Variants in ADAMTS9 observed in about 807,000 individuals in gnomAD.
ADAMTS9 encodes the protein A disintegrin and metalloproteinase with thrombospondin motifs 9.
ADAMTS9 carries 107 observed loss-of-function variants against 257.1 expected under a neutral mutation model. The ratio of observed to expected loss-of-function variants is 0.42; its 90% CI spans 0.36 to 0.49. The LOEUF (loss-of-function observed/expected upper bound fraction) is 0.49. Among genes scored for constraint, ADAMTS9 ranks in the 20% least tolerant of loss-of-function variants. The probability of loss-of-function intolerance (pLI) is 0.03; values close to 1 mark genes in which losing one functional copy is unlikely to be tolerated. For missense variants in ADAMTS9, 2,353 were observed against 2,469.1 expected (o/e 0.95, Z 1.00); for synonymous variants, 982 against 880.9 (o/e 1.11, Z -2.03).
chr3:64,613,614 C>G (rs1030196112), intron 21 of ADAMTS9, 105 bp from the exon 22 acceptor site: 2 of 1,099,156 alleles, frequency 1.8e-6, no homozygotes, highest in Non-Finnish European at 1.3e-6. Flanking sequence ...TTTCCCACAG[C>G]AATCACTCTC....
At chr3:64,650,891 T>A in intron 9 of ADAMTS9, 126 bp downstream of exon 9, 24 of 814,634 alleles carry the variant, frequency 2.9e-5, no homozygotes, top group Non-Finnish European at 4.1e-5. Context: ...TTTTGCCTTC[T>A]CCAAGGAATG....
rs772698657 is a variant in ADAMTS9 at position 64,568,771 on chromosome 3, G to T, written c.4357-236C>A. On this transcript the variant is annotated intron_variant, in intron 28 of 39. Transcript: ENST00000498707. Reference sequence around the variant, plus strand: ...TGTGTGGCATTTTTGGCTCACTCAAGAGTGTGGGTAAATCCTGAGAATTGG... The same window carrying T: ...TGTGTGGCATTTTTGGCTCACTCAATAGTGTGGGTAAATCCTGAGAATTGG... 13 of 446,726 alleles carry T rather than the reference G, an allele frequency of 2.9e-5. 1 individual carries two copies. Among genetic ancestry groups the T allele is most frequent in the Middle Eastern group, 1.2e-3 (2 of 1,672 alleles). 27.7% of individuals were successfully genotyped at this position (446,726 alleles called of 1,614,324 possible). A position where few individuals can be genotyped will look rare whatever the true frequency, so the allele number is the denominator to read the frequency against.
At chr3:64,592,176 T>G (rs1481155260) in intron 28 of ADAMTS9, among the ~76,000 whole-genome samples, 1 of 152,318 alleles carries the variant, frequency 6.6e-6, no homozygotes, top group South Asian at 2.1e-4. Flanking sequence ...TTTTTTAAGA[T>G]CACAATTAAA....
In ADAMTS9 at chr3:64,602,124, G is replaced by GTCACAC; in HGVS notation, c.3831_3836dup (p.Glu1277_Cys1278dup). ...GGTCAGTTTCTGGGATATAATCCTG[G>GTCACAC]TCACACTCACTCCGATCGATCACGT... On this transcript the variant is annotated inframe_insertion, in exon 26 of 40. Coordinates refer to ENST00000498707, the MANE Select transcript of ADAMTS9 (RefSeq NM_182920.2). 1 of 1,614,090 alleles carries GTCACAC rather than the reference G, an allele frequency of 6.2e-7. No homozygotes were observed. Among genetic ancestry groups the GTCACAC allele is most frequent in the Non-Finnish European group, 8.5e-7 (1 of 1,179,998 alleles).
chr3:64,631,901 T>C lies in ADAMTS9; in HGVS notation c.2200A>G (p.Asn734Asp). 1 of 1,613,900 alleles carries C rather than the reference T, an allele frequency of 6.2e-7. No homozygotes were observed. The highest frequency in any genetic ancestry group is 1.3e-5 in the African/African-American group (1 of 75,034). Residue 734 changes from asparagine (N) to aspartate (D), a missense_variant, in exon 15 of 40, where the codon AAC becomes GAC. By Grantham distance (23) the Asn-to-Asp change is conservative. Around this residue, in one of 3 missense-constraint regions of ADAMTS9, gnomAD observed 360 missense variants for 458.1 expected, o/e 0.79. Transcript: ENST00000498707. ...CRQAGCDHVL[N>D]SKARRDKCGV... ...CATTTATCTCTCCGGGCTTTTGAGT[T>C]TAAAACATGATCGCATCCAGCTTGC...
chr3:64,603,137 T>C (rs1190038902), intron 25 of ADAMTS9, among the ~76,000 whole-genome samples: 2 of 152,186 alleles, frequency 1.3e-5, no homozygotes, highest in African/African-American at 4.8e-5. Context: ...TGTAAAGTAG[T>C]ATTCTTTTCC....
At chr3:64,653,796 G>T (rs370991778) in intron 8 of ADAMTS9, among the ~76,000 whole-genome samples, 2 of 152,110 alleles carry the variant, frequency 1.3e-5, no homozygotes, top group Admixed American at 6.6e-5. Flanking sequence ...ATTTCATAAC[G>T]GCCACTTAGT....
chr3:64,591,394 C>T (rs1036830600), intron 28 of ADAMTS9, among the ~76,000 whole-genome samples: 4 of 151,574 alleles, frequency 2.6e-5, no homozygotes, highest in African/African-American at 9.7e-5. Context: ...GAGCCGAGAT[C>T]GCACCACTGC....
chr3:64,518,750 A>C (rs978366235), intron 39 of ADAMTS9, among the ~76,000 whole-genome samples: 1 of 134,874 alleles, frequency 7.4e-6, no homozygotes, highest in African/African-American at 2.8e-5. Flanking sequence ...GAGGGAATTT[A>C]TCATTACCTT....
intron 23 of ADAMTS9, among the ~76,000 whole-genome samples, chr3:64,605,858 G>C (rs1284566001): frequency 6.6e-6 from 1 of 152,106 alleles, no homozygotes; most frequent in Non-Finnish European, 1.5e-5. Context: ...CTGATATAAA[G>C]GAGGTATAGC....
At position 64,614,244 on chromosome 3, in the gene ADAMTS9, C is replaced by T. The variant is rs551415715; in HGVS notation, c.3190-735G>A. Among the ~76,000 whole-genome samples the T allele has an allele frequency of 2.6e-5, 4 of 152,284 alleles. No individual in the cohort carries two copies. In the South Asian group the frequency reaches 8.3e-4, roughly 32 times the overall value. On this transcript the variant is annotated intron_variant, in intron 21 of 39. Coordinates refer to ENST00000498707, the MANE Select transcript of ADAMTS9 (RefSeq NM_182920.2). The stretch of plus-strand genomic sequence containing the variant: ...GAAATTATACTTTAGTATTAGCTAT[C>T]TAAGTAAAATTTAAACCTACTACTT...
chr3:64,526,092 T>C (rs977961879), intron 38 of ADAMTS9, among the ~76,000 whole-genome samples: 36 of 147,408 alleles, frequency 2.4e-4, no homozygotes, highest in African/African-American at 8.8e-4. Context: ...AATAATACAA[T>C]ATATAGTATA....
intron 38 of ADAMTS9, among the ~76,000 whole-genome samples, chr3:64,527,551 A>C (rs7628110): frequency 0.72 from 95,468 of 133,100 alleles, 35,357 homozygotes; most frequent in Non-Finnish European, 0.86. Flanking sequence ...TTATGGTATA[A>C]TGTTTATAAT....
chr3:64,541,775 C>CA, intron 33 of ADAMTS9, 63 bp downstream of exon 33: 1 of 1,597,640 alleles, frequency 6.3e-7, no homozygotes, highest in East Asian at 2.2e-5. Context: ...GGCAGGCAAT[C>CA]AAATGAACAA....
intron 26 of ADAMTS9, among the ~76,000 whole-genome samples, chr3:64,597,893 A>G (rs942430082): frequency 6.6e-6 from 1 of 152,168 alleles, no homozygotes; most frequent in African/African-American, 2.4e-5. Context: ...AAAGCAATGT[A>G]TTTCTCACGA....
At chr3:64,683,664 A>G (rs147324642) in intron 2 of ADAMTS9, among the ~76,000 whole-genome samples, 1 of 152,342 alleles carries the variant, frequency 6.6e-6, no homozygotes, top group East Asian at 1.9e-4. Context: ...TGTGATGCCA[A>G]AATTAATTGT....
intron 29 of ADAMTS9, 37 bp from the exon 30 acceptor site, chr3:64,561,788 C>G: frequency 1.6e-6 from 1 of 620,084 alleles, no homozygotes; most frequent in Non-Finnish European, 2.6e-6. Flanking sequence ...AGCTTCGGCT[C>G]ATTTATTTTT....
chr3:64,615,686 A>G (rs2084748955), intron 20 of ADAMTS9, among the ~76,000 whole-genome samples: 1 of 152,204 alleles, frequency 6.6e-6, no homozygotes, highest in South Asian at 2.1e-4. Flanking sequence ...TCATTGGCAT[A>G]TAAAAATAAA....
chr3:64,643,562 C>T (rs1304659966), intron 11 of ADAMTS9, among the ~76,000 whole-genome samples: 1 of 150,434 alleles, frequency 6.6e-6, no homozygotes, highest in African/African-American at 2.4e-5. Flanking sequence ...AACTGATCCT[C>T]CCACCTCAGC....
Sources: gnomAD v4.1 joint callset for allele counts (sites outside exome capture counted in the v4.1 genomes callset) on GRCh38, gnomAD v4.1.1 for gene constraint, gnomAD v4.1.1 regional missense constraint, MANE v1.5 for transcripts, NCBI Gene and HGNC (gene_info 2026-07-23, HGNC 2026-07-21) for gene names.